ZNF30: variants seen among roughly 807,000 people sequenced by gnomAD.
ZNF30 encodes the protein zinc finger protein 30 (KOX 28).
In ZNF30, 15 loss-of-function variants were observed where a neutral mutation model predicts 13.2. The ratio of observed to expected loss-of-function variants is 1.13; its 90% CI spans 0.76 to 1.75. The LOEUF (loss-of-function observed/expected upper bound fraction) is 1.75. Ranked by LOEUF, ZNF30 falls within the 40% of genes most tolerant of loss-of-function variation. The probability of loss-of-function intolerance (pLI) is 0.00; values close to 1 mark genes in which losing one functional copy is unlikely to be tolerated. For synonymous variants in ZNF30, 223 were observed against 256.6 expected (o/e 0.87, Z 1.25); for missense variants, 726 against 757.0 (o/e 0.96, Z 0.48).
rs534936887 is a variant in ZNF30 at position 34,935,319 on chromosome 19, A to G, written c.256+1596A>G. On this transcript the variant is annotated intron_variant, in intron 4 of 4. Coordinates refer to ENST00000601142, the MANE Select transcript of ZNF30 (RefSeq NM_194325.3). ...AAAGTTGTACTAAGAATTTTCATAT[A>G]CCCTTCAACCCAGATTCTCCAAATG... Among the ~76,000 whole-genome samples, 5 of 152,302 alleles carry G rather than the reference A, an allele frequency of 3.3e-5. No individual in the cohort carries two copies. The East Asian group carries it at 9.6e-4, about 29-fold the overall frequency.
chr19:34,936,789 GGGAGACTGAGGCA>G (rs910050031), intron 4 of ZNF30, among the ~76,000 whole-genome samples: 1 of 152,058 alleles, frequency 6.6e-6, no homozygotes, highest in African/African-American at 2.4e-5. Context: ...CCAGCTACTT[GGGAGACTGAGGCA>G]GGAGGATGGC....
At chr19:34,936,857 CTG>C (rs2012767870) in intron 4 of ZNF30, among the ~76,000 whole-genome samples, 1 of 152,056 alleles carries the variant, frequency 6.6e-6, no homozygotes, top group Non-Finnish European at 1.5e-5. Context: ...GATCGCACCA[CTG>C]CACTCTAGCC....
At chr19:34,932,379 T>C (rs2012497281) in intron 3 of ZNF30, among the ~76,000 whole-genome samples, 1 of 152,214 alleles carries the variant, frequency 6.6e-6, no homozygotes, top group Non-Finnish European at 1.5e-5. Context: ...TTTTATTTCA[T>C]ATAAAATAAT....
chr19:34,944,500 T>C lies in ZNF30; in HGVS notation c.1534T>C (p.Tyr512His). The change falls in exon 5 of 5, where the codon TAT becomes CAT. Residue 512 changes from tyrosine to histidine, a missense_variant. Physicochemically the swap from Tyr to His is moderately conservative, Grantham distance 83. Transcript: ENST00000601142. ...CAGAATCCATACTGGTAAGAAGCCCTATGAGTGTAAGGAGTGTGGCAAGGC... is the reference window on the plus strand; with the variant it reads ...CAGAATCCATACTGGTAAGAAGCCCCATGAGTGTAAGGAGTGTGGCAAGGC... Reference protein sequence around the residue: ...HSRIHTGKKPYECKECGKAFS... With the variant: ...HSRIHTGKKPHECKECGKAFS... The C allele has an allele frequency of 1.2e-6, 2 of 1,613,960 alleles. No individual in the cohort carries two copies. Among genetic ancestry groups the C allele is most frequent in the South Asian group, 2.2e-5 (2 of 91,078 alleles).
At chr19:34,930,128 C>T (rs2012370219) in intron 2 of ZNF30, among the ~76,000 whole-genome samples, 172 bp downstream of exon 2, 1 of 152,162 alleles carries the variant, frequency 6.6e-6, no homozygotes, top group Non-Finnish European at 1.5e-5. Context: ...GTCCTCATTT[C>T]TAATCGGTGT....
chr19:34,924,366 A>C (rs1346819266), upstream of ZNF30, among the ~76,000 whole-genome samples: 1 of 152,080 alleles, frequency 6.6e-6, no homozygotes, highest in East Asian at 1.9e-4. Flanking sequence ...CATGGAACCC[A>C]CATTTCCCTC....
Position 34,943,227 on chromosome 19 carries a change from G to C in ZNF30, c.261G>C (p.Leu87Phe). ...RKDGRRWCTD[L>F]QLEDDTIGCK... ...ATTTTTAAAATTTTCTTTCAGATTT[G>C]CAGTTGGAAGATGATACAATCGGCT... Residue 87 changes from leucine (L) to phenylalanine (F), a missense_variant, in exon 5 of 5, where the codon TTG becomes TTC. Leu to Phe is a conservative substitution (Grantham distance 22). Coordinates refer to ENST00000601142, the MANE Select transcript of ZNF30 (RefSeq NM_194325.3). 1 of 1,489,080 alleles carries C rather than the reference G, an allele frequency of 6.7e-7. No individual in the cohort carries two copies. The highest frequency in any genetic ancestry group is 8.9e-7 in the Non-Finnish European group (1 of 1,117,806). 92.2% of individuals were successfully genotyped at this position (1,489,080 alleles called of 1,614,324 possible).
intron 4 of ZNF30, chr19:34,942,686 G>C: frequency 7.9e-7 from 1 of 1,269,552 alleles, no homozygotes; most frequent in Non-Finnish European, 1.0e-6. Context: ...GAGAAAATTT[G>C]TAAGAACGTC....
At chr19:34,940,274 C>T (rs1249477778) in intron 4 of ZNF30, among the ~76,000 whole-genome samples, 1 of 152,214 alleles carries the variant, frequency 6.6e-6, no homozygotes, top group Non-Finnish European at 1.5e-5. Flanking sequence ...TCAGCCTTAT[C>T]TGAAGATAGG....
Position 34,933,704 on chromosome 19 carries a change from T to C in ZNF30, c.237T>C (p.Asp79=), listed in dbSNP as rs368394928. ...WKEPEVTVRK[D]GRRWCTDLQL... is the part of the protein sequence containing the mutation. Reference sequence around the variant, plus strand: ...AGCCTGAAGTGACAGTGAGGAAAGATGGAAGAAGATGGTGCACAGGTGAGT... The same window carrying C: ...AGCCTGAAGTGACAGTGAGGAAAGACGGAAGAAGATGGTGCACAGGTGAGT... Residue 79 remains aspartate (D), a synonymous_variant, in exon 4 of 5, where the codon GAT becomes GAC. Coordinates refer to ENST00000601142, the MANE Select transcript of ZNF30 (RefSeq NM_194325.3). 70 of 1,586,170 alleles carry C rather than the reference T, an allele frequency of 4.4e-5. No homozygotes were observed. Among genetic ancestry groups the C allele is most frequent in the Non-Finnish European group, 5.1e-5 (60 of 1,165,628 alleles).
At chr19:34,924,635 A>G (rs73593647), upstream of ZNF30, among the ~76,000 whole-genome samples, 6,012 of 152,288 alleles carry the variant, frequency 0.039, 383 homozygotes, top group African/African-American at 0.14. Context: ...CCAGTTCAGG[A>G]ATCACAGGAT....
chr19:34,926,363 G>C (rs1201038700), upstream of ZNF30, among the ~76,000 whole-genome samples: 1 of 152,130 alleles, frequency 6.6e-6, no homozygotes, highest in Non-Finnish European at 1.5e-5. Context: ...AACGTATGAT[G>C]GGACAGAAAG....
At chr19:34,927,649 C>A (rs1349637424) in intron 1 of ZNF30, among the ~76,000 whole-genome samples, 2 of 152,156 alleles carry the variant, frequency 1.3e-5, no homozygotes, top group African/African-American at 4.8e-5. Context: ...GAAAGGAGAG[C>A]AAGATGACAG....
intron 4 of ZNF30, 61 bp from the exon 5 acceptor site, chr19:34,943,162 T>A: frequency 7.6e-7 from 1 of 1,321,138 alleles, no homozygotes; most frequent in Non-Finnish European, 1.0e-6. Flanking sequence ...GTTTTTCTCT[T>A]TTCTTCCCTA....
Position 34,944,433 on chromosome 19 carries a change from T to C in ZNF30, c.1467T>C (p.Cys489=), listed in dbSNP as rs139482234. The part of the protein sequence containing the change: ...TDVKPYECKE[C]GKTFSRASYL... ...TAAAGCCCTATGAATGTAAGGAATG[T>C]GGAAAGACTTTTAGTCGAGCCTCGT... The change falls in exon 5 of 5, where the codon TGT becomes TGC. Residue 489 remains cysteine, a synonymous_variant. Coordinates refer to ENST00000601142, the MANE Select transcript of ZNF30 (RefSeq NM_194325.3). The C allele has an allele frequency of 1.4e-4, 227 of 1,613,940 alleles. No homozygotes were observed. The highest frequency in any genetic ancestry group is 1.8e-4 in the Non-Finnish European group (213 of 1,179,968).
chr19:34,927,275 C>T, intron 1 of ZNF30, 59 bp downstream of exon 1: 1 of 361,050 alleles, frequency 2.8e-6, no homozygotes. Flanking sequence ...AGCGGCAGGG[C>T]AGGGAGGGTG....
At position 34,943,895 on chromosome 19, in the gene ZNF30, A is replaced by G; in HGVS notation, c.929A>G (p.His310Arg). Residue 310 changes from histidine (H) to arginine (R), a missense_variant, in exon 5 of 5, where the codon CAT becomes CGT. His to Arg is a conservative substitution (Grantham distance 29, BLOSUM62 0). Transcript: ENST00000601142. ...CCCCTTGCTAAGCATCAGAGAATTC[A>G]TACTGGCGAGAAACCCTATGAATGT... is the stretch of plus-strand genomic sequence containing the variant. ...SSPLAKHQRI[H>R]TGEKPYECKE... is the part of the protein sequence containing the mutation. 6.2e-7 allele frequency: 1 copy of G among 1,614,202 alleles called. No individual in the cohort carries two copies. The highest frequency in any genetic ancestry group is 8.5e-7 in the Non-Finnish European group (1 of 1,180,016).
At chr19:34,937,777 G>A (rs1047870428) in intron 4 of ZNF30, among the ~76,000 whole-genome samples, 2 of 151,674 alleles carry the variant, frequency 1.3e-5, no homozygotes, top group African/African-American at 4.8e-5. Context: ...ACTAAGCTAA[G>A]CAGTGATGAG....
At chr19:34,925,780 G>C (rs901467691), upstream of ZNF30, among the ~76,000 whole-genome samples, 2 of 151,936 alleles carry the variant, frequency 1.3e-5, no homozygotes, top group African/African-American at 4.8e-5. Flanking sequence ...CATTTAAAGG[G>C]ACCCCGCCCT....
Sources: allele counts gnomAD v4.1 joint callset (sites outside exome capture counted in the v4.1 genomes callset), GRCh38; gene constraint gnomAD v4.1.1; transcripts MANE v1.5; gene names NCBI Gene and HGNC (gene_info 2026-07-23, HGNC 2026-07-21).